MAPK10: variants seen among roughly 807,000 people sequenced by gnomAD.
MAPK10 encodes mitogen-activated protein kinase 10, also known as JNK3 alpha protein kinase.
MAPK10 carries 25 observed loss-of-function variants against 59.3 expected under a neutral mutation model. The observed-to-expected ratio is 0.42, with a 90% CI of 0.31 to 0.59. The LOEUF (loss-of-function observed/expected upper bound fraction) is 0.59. Ranked by LOEUF, MAPK10 falls within the 20% of genes least tolerant of loss-of-function variation. The pLI is 0.15. For missense variants in MAPK10, 351 were observed against 568.9 expected (o/e 0.62, Z 3.90); for synonymous variants, 190 against 200.5 (o/e 0.95, Z 0.44).
chr4:86,369,661 A>G (rs1395312319), intron 1 of MAPK10, among the ~76,000 whole-genome samples: 1 of 152,218 alleles, frequency 6.6e-6, no homozygotes, highest in Admixed American at 6.5e-5. Flanking sequence ...CTATATTGCA[A>G]TGCTACATTT....
chr4:86,386,802 G>A (rs1741529745), intron 1 of MAPK10, among the ~76,000 whole-genome samples: 1 of 152,088 alleles, frequency 6.6e-6, no homozygotes, highest in African/African-American at 2.4e-5. Flanking sequence ...GCGGAAACTT[G>A]GAGGCTTACA....
intron 1 of MAPK10, among the ~76,000 whole-genome samples, chr4:86,478,736 C>G (rs189883554): frequency 6.6e-6 from 1 of 152,152 alleles, no homozygotes; most frequent in African/African-American, 2.4e-5. Context: ...CCCCATACTT[C>G]CTTCTTTCCT....
intron 1 of MAPK10, among the ~76,000 whole-genome samples, chr4:86,439,576 G>C (rs1402403418): frequency 6.6e-6 from 1 of 152,152 alleles, no homozygotes; most frequent in Non-Finnish European, 1.5e-5. Context: ...TTCTTATGTA[G>C]ACAGACGTTT....
At chr4:86,309,940 C>G (rs1218460922) in intron 2 of MAPK10, among the ~76,000 whole-genome samples, 2 of 152,180 alleles carry the variant, frequency 1.3e-5, no homozygotes, top group Non-Finnish European at 2.9e-5. Context: ...CCCAAAATCA[C>G]TAAGGAAAAT....
At chr4:86,501,679 TGCAC>T (rs1235505542) in intron 1 of MAPK10, among the ~76,000 whole-genome samples, 5 of 146,634 alleles carry the variant, frequency 3.4e-5, no homozygotes, top group Non-Finnish European at 7.5e-5. Context: ...TGTGTGTGCA[TGCAC>T]ACACACACAC....
chr4:86,557,368 T>C (rs1201457328), intron 1 of MAPK10, among the ~76,000 whole-genome samples: 2 of 152,024 alleles, frequency 1.3e-5, no homozygotes, highest in Non-Finnish European at 2.9e-5. Context: ...ACATCAGTAA[T>C]GAATTGTTCC....
At chr4:86,579,370 A>C (rs966667163) in intron 1 of MAPK10, among the ~76,000 whole-genome samples, 1 of 152,152 alleles carries the variant, frequency 6.6e-6, no homozygotes, top group African/African-American at 2.4e-5. Flanking sequence ...AAAAAGTAAA[A>C]GATATCAGCA....
chr4:86,039,717 T>G (rs1048282950), intron 11 of MAPK10, among the ~76,000 whole-genome samples: 1 of 152,188 alleles, frequency 6.6e-6, no homozygotes, highest in African/African-American at 2.4e-5. Flanking sequence ...CAGAGCCAAG[T>G]AGCCCCCTGT....
chr4:86,448,492 AC>A (rs1457058601), intron 1 of MAPK10, among the ~76,000 whole-genome samples: 3 of 152,080 alleles, frequency 2.0e-5, no homozygotes, highest in African/African-American at 7.2e-5. Context: ...AATATGTCTT[AC>A]CATTTGTCAA....
In MAPK10 at chr4:86,062,002, A is replaced by G. The variant is rs181176224; in HGVS notation, c.1110+2264T>C. ...CATGTTCATATGCAATAACAGAGAC[A>G]TGAATTCTAAGGATATTGCAGAAAG... On this transcript the variant is annotated intron_variant, in intron 11 of 13. Coordinates refer to ENST00000641462, the MANE Select transcript of MAPK10 (RefSeq NM_138982.4). Among the ~76,000 whole-genome samples the G allele has an allele frequency of 4.5e-4, 68 of 152,290 alleles. 1 individual carries two copies. Among genetic ancestry groups the G allele is most frequent in the African/African-American group, 1.6e-3 (65 of 41,580 alleles).
chr4:86,508,241 T>C (rs193134925), intron 1 of MAPK10, among the ~76,000 whole-genome samples: 3 of 152,286 alleles, frequency 2.0e-5, no homozygotes, highest in Non-Finnish European at 2.9e-5. Flanking sequence ...CTTTGATGGA[T>C]TGGTGGCCTG....
At chr4:86,314,129 C>A (rs1447293511) in intron 2 of MAPK10, among the ~76,000 whole-genome samples, 2 of 152,022 alleles carry the variant, frequency 1.3e-5, no homozygotes, top group African/African-American at 4.8e-5. Flanking sequence ...TCAGAACAGG[C>A]AAAACTAACT....
chr4:86,221,335 G>T (rs1040707161), intron 2 of MAPK10, among the ~76,000 whole-genome samples: 1 of 152,176 alleles, frequency 6.6e-6, no homozygotes, highest in Non-Finnish European at 1.5e-5. Context: ...ACATCGGATG[G>T]CTACTCTGCT....
At chr4:86,023,575 T>C (rs1043858517) in intron 13 of MAPK10, among the ~76,000 whole-genome samples, 1 of 152,024 alleles carries the variant, frequency 6.6e-6, no homozygotes, top group African/African-American at 2.4e-5. Flanking sequence ...AGCAATGAAA[T>C]GTTTTTCCAG....
intron 2 of MAPK10, among the ~76,000 whole-genome samples, chr4:86,205,522 A>T (rs2083606416): frequency 6.6e-6 from 1 of 151,642 alleles, no homozygotes; most frequent in Non-Finnish European, 1.5e-5. Context: ...ATAATATAAG[A>T]CAAGAAAATT....
intron 2 of MAPK10, among the ~76,000 whole-genome samples, chr4:86,241,029 T>C (rs2092691105): frequency 6.6e-6 from 1 of 152,234 alleles, no homozygotes; most frequent in South Asian, 2.1e-4. Context: ...AGGGCAGGCC[T>C]GGTGGTAATA....
intron 1 of MAPK10, among the ~76,000 whole-genome samples, chr4:86,433,203 C>T (rs1310294535): frequency 6.6e-6 from 1 of 152,130 alleles, no homozygotes; most frequent in Non-Finnish European, 1.5e-5. Context: ...TTGATGCCCC[C>T]TACCTACATC....
intron 1 of MAPK10, among the ~76,000 whole-genome samples, chr4:86,382,524 G>T (rs374501172): frequency 6.6e-6 from 1 of 152,134 alleles, no homozygotes; most frequent in Non-Finnish European, 1.5e-5. Flanking sequence ...AAGCATTTGC[G>T]GATATGGGCT....
intron 2 of MAPK10, among the ~76,000 whole-genome samples, chr4:86,265,082 G>T (rs1346053187): frequency 2.6e-5 from 4 of 151,538 alleles, no homozygotes; most frequent in African/African-American, 9.7e-5. Context: ...GTAGAGACAG[G>T]GTTTCACCAT....
Sources: gnomAD v4.1 joint callset for allele counts (sites outside exome capture counted in the v4.1 genomes callset) on GRCh38, gnomAD v4.1.1 for gene constraint, MANE v1.5 for transcripts, NCBI Gene and HGNC (gene_info 2026-07-23, HGNC 2026-07-21) for gene names.